The following SLC15A5 variants were observed in gnomAD, a reference collection of about 807,000 sequenced individuals.
SLC15A5 encodes the protein Peptide/histidine transporter ENSP00000340402.
In SLC15A5, 58 loss-of-function variants were observed where a neutral mutation model predicts 56.1. The ratio of observed to expected loss-of-function variants is 1.03; its 90% CI spans 0.84 to 1.29. The LOEUF (loss-of-function observed/expected upper bound fraction) is 1.29. Ranked by LOEUF, SLC15A5 falls within the 50% of genes most tolerant of loss-of-function variation. The probability of loss-of-function intolerance (pLI) is 0.00; values close to 1 mark genes in which losing one functional copy is unlikely to be tolerated. For synonymous variants in SLC15A5, 264 were observed against 250.5 expected (o/e 1.05, Z -0.51); for missense variants, 681 against 672.1 (o/e 1.01, Z -0.15).
intron 2 of SLC15A5, among the ~76,000 whole-genome samples, chr12:16,263,353 A>T (rs1399335213): frequency 2.0e-5 from 3 of 152,144 alleles, no homozygotes; most frequent in African/African-American, 7.2e-5. Flanking sequence ...GAGATGATTT[A>T]GGGCATCTGG....
chr12:16,239,644 T>C, intron 5 of SLC15A5, 37 bp downstream of exon 5: 2 of 1,520,472 alleles, frequency 1.3e-6, no homozygotes, highest in Non-Finnish European at 1.8e-6. Context: ...TAAAAAAGTT[T>C]CAAACGATTC....
intron 7 of SLC15A5, among the ~76,000 whole-genome samples, chr12:16,207,402 C>T (rs1864031277): frequency 6.6e-6 from 1 of 152,092 alleles, no homozygotes; most frequent in African/African-American, 2.4e-5. Flanking sequence ...TAGAAGAAAG[C>T]CTTTCTTTTG....
In SLC15A5 at chr12:16,257,688, A is replaced by G. The variant is rs569298183; in HGVS notation, c.754+13T>C. The G allele has an allele frequency of 6.9e-7, 1 of 1,444,730 alleles. No homozygotes were observed. The highest frequency in any genetic ancestry group is 1.5e-5 in the African/African-American group (1 of 68,514). 89.5% of individuals were successfully genotyped at this position (1,444,730 alleles called of 1,614,324 possible). ...ATAAACCCAGAAATCAATGTAACGC[A>G]TAATTTACTTACGTTTTTCTGACTG... On this transcript the variant is annotated intron_variant, in intron 3 of 8. Coordinates refer to ENST00000344941, the MANE Select transcript of SLC15A5 (RefSeq NM_001170798.1).
intron 2 of SLC15A5, among the ~76,000 whole-genome samples, chr12:16,258,990 C>CCTT (rs770059427): frequency 8.4e-6 from 1 of 118,540 alleles, no homozygotes; most frequent in Non-Finnish European, 1.7e-5. Flanking sequence ...TCTTCTTTTT[C>CCTT]TTTTTTTTTT....
chr12:16,265,717 A>G (rs148196037), intron 2 of SLC15A5, among the ~76,000 whole-genome samples: 1,843 of 152,234 alleles, frequency 0.012, 16 homozygotes, highest in Non-Finnish European at 0.018. Context: ...TCCTGAGCTC[A>G]AGCAATCCAC....
intron 5 of SLC15A5, among the ~76,000 whole-genome samples, chr12:16,229,482 T>C (rs1565664427): frequency 6.6e-6 from 1 of 152,178 alleles, no homozygotes; most frequent in African/African-American, 2.4e-5. Context: ...TTTTTCACTA[T>C]ACTTACTACA....
chr12:16,272,593 A>G lies in SLC15A5; in HGVS notation c.552T>C (p.Tyr184=). Residue 184 remains tyrosine, a synonymous_variant, in exon 2 of 9, where the codon TAT becomes TAC. Coordinates refer to ENST00000344941, the MANE Select transcript of SLC15A5 (RefSeq NM_001170798.1). ...CPLGAFGLQE[Y]GSQKTMSFFN... is the part of the protein sequence containing the mutation. ...AAAAAGACATCGTTTTTTGTGATCCATACTCCTGAAGGCCAAAAGCACCCA... is the reference window on the plus strand; with the variant it reads ...AAAAAGACATCGTTTTTTGTGATCCGTACTCCTGAAGGCCAAAAGCACCCA... 1.3e-6 allele frequency: 2 copies of G among 1,536,896 alleles called. No individual in the cohort carries two copies. Among genetic ancestry groups the G allele is most frequent in the Non-Finnish European group, 1.7e-6 (2 of 1,146,646 alleles).
At position 16,269,836 on chromosome 12, in the gene SLC15A5, A is replaced by C. The variant is rs1299371691; in HGVS notation, c.584+2725T>G. ...GAAAGTAGAGAAATGCAGAAGCAAGATTTGAGGTTAATTGTGGTAGAATTT... is the reference window on the plus strand; with the variant it reads ...GAAAGTAGAGAAATGCAGAAGCAAGCTTTGAGGTTAATTGTGGTAGAATTT... On this transcript the variant is annotated intron_variant, in intron 2 of 8. Transcript: ENST00000344941. This position sits in a 1 kb window ranked among gnomAD's most constrained non-coding sequence, Gnocchi z 4.7. Among the ~76,000 whole-genome samples the C allele has an allele frequency of 6.6e-6, 1 of 152,204 alleles. No individual in the cohort carries two copies. Among genetic ancestry groups the C allele is most frequent in the Non-Finnish European group, 1.5e-5 (1 of 68,036 alleles).
intron 7 of SLC15A5, among the ~76,000 whole-genome samples, chr12:16,195,274 T>A (rs945367958): frequency 1.3e-5 from 2 of 152,266 alleles, no homozygotes; most frequent in Non-Finnish European, 2.9e-5. Flanking sequence ...TACATACTTT[T>A]TATTTCTTCA....
intron 5 of SLC15A5, among the ~76,000 whole-genome samples, chr12:16,228,158 C>T (rs1476480923): frequency 1.3e-5 from 2 of 152,080 alleles, no homozygotes; most frequent in African/African-American, 4.8e-5. Flanking sequence ...GAGAAACGAT[C>T]AGAAGACAAT....
chr12:16,196,980 G>A lies in SLC15A5; in HGVS notation c.1484-2527C>T, dbSNP rs1472379843. Among the ~76,000 whole-genome samples the A allele has an allele frequency of 6.6e-6, 1 of 151,844 alleles. No individual in the cohort carries two copies. Among genetic ancestry groups the A allele is most frequent in the Non-Finnish European group, 1.5e-5 (1 of 67,970 alleles). On this transcript the variant is annotated intron_variant, in intron 7 of 8. Coordinates refer to ENST00000344941, the MANE Select transcript of SLC15A5 (RefSeq NM_001170798.1). The surrounding 1 kb of genome is among the most constrained non-coding windows in gnomAD (Gnocchi z 4.0). ...ACAAGTACTATGACTTGGTATTTGGGAGTTTGTGGGTGACAGGAGAGAAGG... is the reference window on the plus strand; with the variant it reads ...ACAAGTACTATGACTTGGTATTTGGAAGTTTGTGGGTGACAGGAGAGAAGG...
intron 5 of SLC15A5, among the ~76,000 whole-genome samples, chr12:16,238,795 T>G (rs1864378831): frequency 6.6e-6 from 1 of 152,186 alleles, no homozygotes; most frequent in African/African-American, 2.4e-5. Context: ...GCTTTCTGTT[T>G]ATGCTCACCA....
At chr12:16,258,950 T>TG (rs1864608102) in intron 2 of SLC15A5, among the ~76,000 whole-genome samples, 1 of 147,574 alleles carries the variant, frequency 6.8e-6, no homozygotes, top group Non-Finnish European at 1.5e-5. Flanking sequence ...TGTGGTCCAC[T>TG]GGGGGTCATC....
chr12:16,257,614 G>T, intron 3 of SLC15A5, 87 bp downstream of exon 3: 1 of 1,082,648 alleles, frequency 9.2e-7, no homozygotes, highest in Non-Finnish European at 1.2e-6. Flanking sequence ...TGAGTTGAAA[G>T]AGAAGTTATA....
chr12:16,251,608 A>G (rs1864519530), intron 3 of SLC15A5, among the ~76,000 whole-genome samples: 1 of 151,866 alleles, frequency 6.6e-6, no homozygotes, highest in African/African-American at 2.4e-5. Context: ...ACAACCTACT[A>G]AGACTGAATC....
At chr12:16,232,068 C>G (rs1864304947) in intron 5 of SLC15A5, among the ~76,000 whole-genome samples, 1 of 152,048 alleles carries the variant, frequency 6.6e-6, no homozygotes, top group Non-Finnish European at 1.5e-5. Flanking sequence ...AATAGATATC[C>G]CAAGATCACC....
chr12:16,193,842 A>G (rs978874868), intron 8 of SLC15A5, among the ~76,000 whole-genome samples: 128 of 117,506 alleles, frequency 1.1e-3, no homozygotes, highest in Admixed American at 3.2e-3. Context: ...AGAGAGAGAG[A>G]GAGGCTGGCA....
At chr12:16,233,164 T>G (rs1172638055) in intron 5 of SLC15A5, among the ~76,000 whole-genome samples, 1 of 152,200 alleles carries the variant, frequency 6.6e-6, no homozygotes, top group African/African-American at 2.4e-5. Flanking sequence ...TATCATGCAC[T>G]TTTATTTTTT....
chr12:16,259,004 C>CTTTTT (rs1864610176), intron 2 of SLC15A5, among the ~76,000 whole-genome samples: 3 of 69,388 alleles, frequency 4.3e-5, no homozygotes, highest in Non-Finnish European at 6.1e-5. Flanking sequence ...TTTTTTTTTT[C>CTTTTT]TTTTTCTTTT....
Sources: allele counts gnomAD v4.1 joint callset (sites outside exome capture counted in the v4.1 genomes callset), GRCh38; gene constraint gnomAD v4.1.1; non-coding constraint Gnocchi (gnomAD v3.1); transcripts MANE v1.5; gene names NCBI Gene and HGNC (gene_info 2026-07-23, HGNC 2026-07-21).